The following RIMS1 variants were observed in gnomAD, a reference collection of about 807,000 sequenced individuals.
RIMS1 encodes the protein regulating synaptic membrane exocytosis protein 1.
A neutral mutation model predicts 214.1 loss-of-function variants in RIMS1; 83 were observed. The ratio of observed to expected loss-of-function variants is 0.39; its 90% CI spans 0.32 to 0.47. The LOEUF (loss-of-function observed/expected upper bound fraction) is 0.47, where lower values mean the gene tolerates loss of function less well. Ranked by LOEUF, RIMS1 falls within the 20% of genes least tolerant of loss-of-function variation. RIMS1 has a pLI of 0.99. For synonymous variants in RIMS1, 793 were observed against 786.8 expected, an observed-to-expected ratio of 1.01 and a Z score of -0.13; for missense variants, 2,050 against 2,161.8, an observed-to-expected ratio of 0.95 and a Z score of 1.03.
chr6:72,073,374 G>A (rs188807444), intron 2 of RIMS1, among the ~76,000 whole-genome samples: 6 of 152,210 alleles, frequency 3.9e-5, no homozygotes, highest in African/African-American at 1.4e-4. Context: ...AATACTTGAA[G>A]GTTAAAACTG....
At chr6:72,088,814 A>T (rs577545520) in intron 2 of RIMS1, among the ~76,000 whole-genome samples, 1 of 152,106 alleles carries the variant, frequency 6.6e-6, no homozygotes, top group Non-Finnish European at 1.5e-5. Context: ...TGGGGAACTG[A>T]ATCTATTTTT....
At chr6:72,372,039 G>T (rs1035962969) in intron 29 of RIMS1, among the ~76,000 whole-genome samples, 1 of 152,150 alleles carries the variant, frequency 6.6e-6, no homozygotes, top group Non-Finnish European at 1.5e-5. Flanking sequence ...TAGAATAAAG[G>T]CAGCAATCTT....
chr6:72,047,539 G>A (rs930300160), intron 2 of RIMS1, among the ~76,000 whole-genome samples: 1 of 152,020 alleles, frequency 6.6e-6, no homozygotes, highest in Non-Finnish European at 1.5e-5. Context: ...ATATATGAAA[G>A]AAAGAAGTTT....
intron 2 of RIMS1, among the ~76,000 whole-genome samples, chr6:72,074,447 C>T (rs759406012): frequency 6.6e-6 from 1 of 152,072 alleles, no homozygotes; most frequent in Non-Finnish European, 1.5e-5. Context: ...GTGGATCACT[C>T]GAGTACAGGA....
rs150107314 is a variant in RIMS1 at position 72,015,652 on chromosome 6, C to T, written c.245+46589C>T. ...ACTTAATATGTCTCTGCTGGCCAGGCGCGGTGGCTCATGCCTGTAATCCCA... is the reference window on the plus strand; with the variant it reads ...ACTTAATATGTCTCTGCTGGCCAGGTGCGGTGGCTCATGCCTGTAATCCCA... On this transcript the variant is annotated intron_variant, in intron 2 of 33. Transcript: ENST00000521978. Among the ~76,000 whole-genome samples, 1,059 of 152,186 alleles carry T rather than the reference C, an allele frequency of 7.0e-3. 10 individuals are homozygous for T. The highest frequency in any genetic ancestry group is 0.024 in the African/African-American group (992 of 41,524).
chr6:72,233,791 G>T lies in RIMS1; in HGVS notation c.1697G>T (p.Trp566Leu). 1 of 1,577,010 alleles carries T rather than the reference G, an allele frequency of 6.3e-7. No individual in the cohort carries two copies. The highest frequency in any genetic ancestry group is 8.6e-7 in the Non-Finnish European group (1 of 1,158,946). The change falls in exon 7 of 34, where the codon TGG becomes TTG. Residue 566 changes from tryptophan (W) to leucine (L), a missense_variant. Transcript: ENST00000521978. ...TGCACAGGTGATTTGGATTATTACT[G>T]GTTGGATCCTGCCACGTGGCACAGC... is the stretch of plus-strand genomic sequence containing the variant. ...VSEKGDLDYYWLDPATWHSRE... is the reference protein window; with the variant it reads ...VSEKGDLDYYLLDPATWHSRE...
At chr6:72,257,920 A>C (rs1322740684) in intron 16 of RIMS1, among the ~76,000 whole-genome samples, 1 of 152,156 alleles carries the variant, frequency 6.6e-6, no homozygotes, top group African/African-American at 2.4e-5. Context: ...CTTTGAGCAA[A>C]ACTGTAACCT....
intron 2 of RIMS1, among the ~76,000 whole-genome samples, chr6:72,010,968 GA>G (rs1376635258): frequency 1.3e-5 from 2 of 151,912 alleles, no homozygotes; most frequent in African/African-American, 4.8e-5. Flanking sequence ...CACAGAATTG[GA>G]AAAAACTACT....
chr6:72,210,408 A>G (rs1409100459), intron 6 of RIMS1, among the ~76,000 whole-genome samples: 1 of 152,232 alleles, frequency 6.6e-6, no homozygotes, highest in Non-Finnish European at 1.5e-5. Context: ...AGAAAAGAAT[A>G]GAATATGCAG....
intron 29 of RIMS1, among the ~76,000 whole-genome samples, chr6:72,356,695 G>A (rs2097658288): frequency 6.6e-6 from 1 of 152,058 alleles, no homozygotes; most frequent in Non-Finnish European, 1.5e-5. Context: ...CAGAGGCAGA[G>A]GTTGCAGTGA....
At chr6:71,895,932 G>A (rs1310530820) in intron 1 of RIMS1, among the ~76,000 whole-genome samples, 1 of 152,118 alleles carries the variant, frequency 6.6e-6, no homozygotes, top group Non-Finnish European at 1.5e-5. Flanking sequence ...GAAAACAAAA[G>A]TAAAGTAACC....
chr6:72,115,296 CT>C (rs144131062), intron 4 of RIMS1, among the ~76,000 whole-genome samples: 1,703 of 151,946 alleles, frequency 0.011, 11 homozygotes, highest in Non-Finnish European at 0.017. Flanking sequence ...TTTTAATTCA[CT>C]TTTTTATTAG....
intron 4 of RIMS1, among the ~76,000 whole-genome samples, chr6:72,165,174 G>A (rs1375515453): frequency 6.6e-6 from 1 of 151,842 alleles, no homozygotes; most frequent in East Asian, 1.9e-4. Flanking sequence ...CCCTACTTAA[G>A]GCTATGTATT....
At chr6:71,930,856 G>A (rs1782819860) in intron 1 of RIMS1, among the ~76,000 whole-genome samples, 1 of 152,006 alleles carries the variant, frequency 6.6e-6, no homozygotes, top group Admixed American at 6.6e-5. Context: ...GGAAAAATCA[G>A]AATGGATTAA....
chr6:72,177,761 T>C (rs926861551), intron 4 of RIMS1, among the ~76,000 whole-genome samples: 2 of 152,194 alleles, frequency 1.3e-5, no homozygotes, highest in Admixed American at 1.3e-4. Context: ...ACACACGTCC[T>C]GTCCCCACTC....
At chr6:72,057,177 A>T (rs1191107781) in intron 2 of RIMS1, among the ~76,000 whole-genome samples, 2 of 152,222 alleles carry the variant, frequency 1.3e-5, no homozygotes, top group South Asian at 4.1e-4. Context: ...AAGTTAAAAA[A>T]AATTCAAACT....
chr6:72,183,523 TA>T (rs5877316), intron 6 of RIMS1, among the ~76,000 whole-genome samples: 13 of 146,448 alleles, frequency 8.9e-5, no homozygotes, highest in African/African-American at 3.0e-4. Flanking sequence ...AAGTAGACAT[TA>T]AAAAAAAACC....
At chr6:72,098,060 G>T (rs1273253149) in intron 3 of RIMS1, among the ~76,000 whole-genome samples, 1 of 152,088 alleles carries the variant, frequency 6.6e-6, no homozygotes, top group African/African-American at 2.4e-5. Context: ...TTCCTGTAAA[G>T]AATTTGTCAT....
At chr6:72,236,825 A>G (rs140263589) in intron 8 of RIMS1, among the ~76,000 whole-genome samples, 138 of 152,014 alleles carry the variant, frequency 9.1e-4, no homozygotes, top group African/African-American at 3.2e-3. Flanking sequence ...GAAGTTAACA[A>G]ATTTCTATTG....
Sources: gnomAD v4.1 joint callset for allele counts (sites outside exome capture counted in the v4.1 genomes callset) on GRCh38, gnomAD v4.1.1 for gene constraint, MANE v1.5 for transcripts, NCBI Gene and HGNC (gene_info 2026-07-23, HGNC 2026-07-21) for gene names.